Variants in FBXO27 observed in about 807,000 individuals in gnomAD.
FBXO27 encodes the protein F-box protein 27.
A neutral mutation model predicts 28.3 loss-of-function variants in FBXO27; 28 were observed. The observed-to-expected ratio is 0.99, with a 90% CI of 0.73 to 1.36. The LOEUF is 1.36. Ranked by LOEUF, FBXO27 falls within the 40% of genes most tolerant of loss-of-function variation. The pLI is 0.00. For synonymous variants in FBXO27, 175 were observed against 167.3 expected (o/e 1.05, Z -0.36); for missense variants, 388 against 394.1 (o/e 0.98, Z 0.13).
downstream of FBXO27, among the ~76,000 whole-genome samples, chr19:39,020,772 A>AAAAAAAAAAAAAAG (rs2072841566): frequency 7.0e-6 from 1 of 143,826 alleles, no homozygotes; most frequent in Non-Finnish European, 1.5e-5. Context: ...AAAAAAAAAA[A>AAAAAAAAAAAAAAG]GGTAGGGGGT....
At position 39,032,099 on chromosome 19, in the gene FBXO27, C is replaced by G; in HGVS notation, c.129G>C (p.Pro43=). Residue 43 remains proline (P), a synonymous_variant, in exon 2 of 6, where the codon CCG becomes CCC. Coordinates refer to ENST00000292853, the MANE Select transcript of FBXO27 (RefSeq NM_178820.5). The surrounding 1 kb of genome is among the most constrained non-coding windows in gnomAD (Gnocchi z 4.7). ...GGCGGCAGCGCCCGAGCAGCGTGCG[C>G]GGGGGGACGTGGCTCAGCACCACCA... ...LLLVVLSHVP[P]RTLLGRCRQV... 6.5e-7 allele frequency: 1 copy of G among 1,531,018 alleles called. No homozygotes were observed. Among genetic ancestry groups the G allele is most frequent in the Middle Eastern group, 2.0e-4 (1 of 4,936 alleles). 94.8% of individuals were successfully genotyped at this position (1,531,018 alleles called of 1,614,324 possible).
In FBXO27 at chr19:39,031,854, G is replaced by C. The variant is rs778945877; in HGVS notation, c.364+10C>G. 2.0e-6 allele frequency: 3 copies of C among 1,468,866 alleles called. No individual in the cohort carries two copies. The highest frequency in any genetic ancestry group is 5.1e-5 in the Admixed American group (2 of 39,110). The allele number at this position is 1,468,866 out of a possible 1,614,324, so 91.0% of individuals were successfully genotyped here. A position where few individuals can be genotyped will look rare whatever the true frequency, so the allele number is the denominator to read the frequency against. ...CCCAGCATCCTGGACTTCCTCTTCC[G>C]AGATCCCACCTTGGCCGCAGGGGTT... On this transcript the variant is annotated intron_variant, in intron 2 of 5. Transcript: ENST00000292853.
intron 2 of FBXO27, among the ~76,000 whole-genome samples, chr19:39,007,211 G>A (rs181250463): frequency 7.8e-4 from 119 of 152,262 alleles, no homozygotes; most frequent in African/African-American, 2.6e-3. Flanking sequence ...TTCCAGCCTG[G>A]GCCTCCAGCC....
At chr19:39,014,182 A>G (rs960245308) in intron 2 of FBXO27, among the ~76,000 whole-genome samples, 1 of 152,214 alleles carries the variant, frequency 6.6e-6, no homozygotes, top group Non-Finnish European at 1.5e-5. Context: ...AATTTAGCAC[A>G]GCACATGCTG....
chr19:39,020,778 G>C (rs927074400), downstream of FBXO27, among the ~76,000 whole-genome samples: 110 of 82,262 alleles, frequency 1.3e-3, no homozygotes, highest in Non-Finnish European at 2.4e-3. Flanking sequence ...AAAAAGGTAG[G>C]GGGTGAAGGG....
chr19:39,009,136 ATGG>A (rs754184082), intron 2 of FBXO27, among the ~76,000 whole-genome samples: 11 of 152,184 alleles, frequency 7.2e-5, no homozygotes, highest in Admixed American at 1.3e-4. Flanking sequence ...CCTTTTTATG[ATGG>A]AATAATTTCC....
At chr19:39,019,084 AGAAAG>A (rs1177566301), downstream of FBXO27, among the ~76,000 whole-genome samples, 78 of 138,362 alleles carry the variant, frequency 5.6e-4, 1 homozygote, top group Non-Finnish European at 8.0e-4. Flanking sequence ...AAAAAAAAAA[AGAAAG>A]AAAGAAAATG....
chr19:39,020,504 T>TCC (rs2072840165), downstream of FBXO27, among the ~76,000 whole-genome samples: 1 of 151,970 alleles, frequency 6.6e-6, no homozygotes, highest in Non-Finnish European at 1.5e-5. Flanking sequence ...TAAGGACCTT[T>TCC]AAGGCTCATT....
chr19:39,028,432 T>C (rs911151398), intron 4 of FBXO27, among the ~76,000 whole-genome samples: 1 of 151,842 alleles, frequency 6.6e-6, no homozygotes, highest in Non-Finnish European at 1.5e-5. Flanking sequence ...GTTTGATAAG[T>C]AATAACAAAA....
At chr19:39,029,426 C>CAA (rs35521168) in intron 4 of FBXO27, among the ~76,000 whole-genome samples, 64,541 of 101,182 alleles carry the variant, frequency 0.64, 20,165 homozygotes, top group East Asian at 0.81. Context: ...GACTCTGTCT[C>CAA]AAAAAAAAAA....
rs976286736 is a variant in FBXO27, at chr19:39,025,694, A to C, written c.709-140T>G. The C allele has an allele frequency of 1.6e-5, 19 of 1,162,090 alleles. No homozygotes were observed. In the African/African-American group the frequency reaches 2.8e-4, roughly 17 times the overall value. 72.0% of individuals were successfully genotyped at this position (1,162,090 alleles called of 1,614,324 possible). ...GGGCCACATGTTCTTCTAGAATCTT[A>C]TAGAATCTTCCACTCCCTCATTAAA... On this transcript the variant is annotated intron_variant, in intron 5 of 5. Transcript: ENST00000292853.
In FBXO27 at chr19:39,025,521, C is replaced by A. The variant is rs528287295; in HGVS notation, c.742G>T (p.Val248Phe). The A allele has an allele frequency of 6.2e-6, 10 of 1,613,948 alleles. No homozygotes were observed. Among genetic ancestry groups the A allele is most frequent in the Non-Finnish European group, 6.8e-6 (8 of 1,180,002 alleles). The change falls in exon 6 of 6, where the codon GTC becomes TTC. Residue 248 changes from valine to phenylalanine, a missense_variant. Val to Phe is a conservative substitution (Grantham distance 50, BLOSUM62 -1). Transcript: ENST00000292853. ...THVFSNIKMG[V>F]RFVSFEHRGQ... ...CGGTGTTCGAAAGACACAAAGCGGA[C>A]GCCCATCTTGATGTTGGAGAACACG...
downstream of FBXO27, among the ~76,000 whole-genome samples, chr19:39,022,946 C>T (rs1033149552): frequency 6.6e-6 from 1 of 151,664 alleles, no homozygotes; most frequent in Admixed American, 6.6e-5. Flanking sequence ...TACAGGTGCC[C>T]ACCACCATGC....
chr19:39,016,017 A>G (rs1468415156), intron 1 of FBXO27, among the ~76,000 whole-genome samples: 2 of 152,172 alleles, frequency 1.3e-5, no homozygotes, highest in African/African-American at 4.8e-5. Context: ...GGTTGCAGTG[A>G]GCCAAGATCA....
intron 2 of FBXO27, among the ~76,000 whole-genome samples, chr19:39,011,780 T>C (rs1327530624): frequency 6.6e-6 from 1 of 151,622 alleles, no homozygotes; most frequent in Non-Finnish European, 1.5e-5. Flanking sequence ...CCCAAAGTGT[T>C]GAGAATTATA....
intron 1 of FBXO27, among the ~76,000 whole-genome samples, chr19:39,018,226 A>T (rs193237480): frequency 6.6e-6 from 1 of 152,314 alleles, no homozygotes; most frequent in East Asian, 1.9e-4. Context: ...TTTGCATGGT[A>T]CCATTTGCAG....
chr19:39,030,690 C>T (rs370673358), intron 4 of FBXO27: 10 of 314,138 alleles, frequency 3.2e-5, no homozygotes, highest in African/African-American at 2.1e-4. Flanking sequence ...ACAACCTCCA[C>T]CTCCTGGGTT....
At chr19:39,007,703 C>T (rs1294044292) in intron 2 of FBXO27, among the ~76,000 whole-genome samples, 1 of 152,070 alleles carries the variant, frequency 6.6e-6, no homozygotes, top group African/African-American at 2.4e-5. Context: ...AGTGCAATGG[C>T]GCGATCTCAG....
chr19:39,019,813 T>C (rs1263329162), downstream of FBXO27, among the ~76,000 whole-genome samples: 1 of 151,964 alleles, frequency 6.6e-6, no homozygotes, highest in Non-Finnish European at 1.5e-5. Flanking sequence ...GTGCAGTGGC[T>C]CCATCTCAGC....
Sources: allele counts gnomAD v4.1 joint callset (sites outside exome capture counted in the v4.1 genomes callset), GRCh38; gene constraint gnomAD v4.1.1; non-coding constraint Gnocchi (gnomAD v3.1); transcripts MANE v1.5; gene names NCBI Gene and HGNC (gene_info 2026-07-23, HGNC 2026-07-21).